The following LRP2 variants were observed in gnomAD, a reference collection of about 807,000 sequenced individuals.
LRP2 encodes the protein low-density lipoprotein receptor-related protein 2.
In LRP2, 172 loss-of-function variants were observed where a neutral mutation model predicts 531.0. The observed-to-expected ratio is 0.32, with a 90% CI of 0.29 to 0.37. The LOEUF (loss-of-function observed/expected upper bound fraction) is 0.37, where lower values mean the gene tolerates loss of function less well. LRP2 is among the 10% of genes least tolerant of loss of function. The pLI is 1.00. For synonymous variants in LRP2, 1,992 were observed against 2,027.6 expected (o/e 0.98, Z 0.47); for missense variants, 5,167 against 5,868.3 (o/e 0.88, Z 3.90).
chr2:169,302,437 T>A (rs540046629), intron 4 of LRP2, among the ~76,000 whole-genome samples: 1 of 152,106 alleles, frequency 6.6e-6, no homozygotes, highest in Admixed American at 6.6e-5. Context: ...AATCAGTGGT[T>A]CTCAACTGGA....
chr2:169,343,625 A>G (rs980475276), intron 1 of LRP2, among the ~76,000 whole-genome samples: 1 of 152,204 alleles, frequency 6.6e-6, no homozygotes, highest in Non-Finnish European at 1.5e-5. Flanking sequence ...ACTGAAGCTC[A>G]GAGAGCTTCA....
intron 43 of LRP2, 57 bp from the exon 44 acceptor site, chr2:169,201,927 T>C: frequency 6.2e-7 from 1 of 1,602,636 alleles, no homozygotes; most frequent in Non-Finnish European, 8.5e-7. Context: ...TATCCTAATT[T>C]TTAAAAAGAT....
chr2:169,198,723 T>C (rs954384712), intron 45 of LRP2, 63 bp downstream of exon 45: 1 of 1,591,298 alleles, frequency 6.3e-7, no homozygotes, highest in Non-Finnish European at 8.6e-7. Flanking sequence ...CTTCATATCT[T>C]TGTATTAGCT....
chr2:169,215,017 C>T (rs570642095), intron 35 of LRP2, among the ~76,000 whole-genome samples: 4 of 152,220 alleles, frequency 2.6e-5, no homozygotes, highest in African/African-American at 4.8e-5. Flanking sequence ...CTAACAAGCA[C>T]GTAGATTTAG....
chr2:169,139,506 G>A, intron 73 of LRP2, 37 bp downstream of exon 73: 1 of 1,611,360 alleles, frequency 6.2e-7, no homozygotes, highest in African/African-American at 1.3e-5. Context: ...TAGGGGCCAT[G>A]AGTAATTTCC....
chr2:169,191,075 A>AT (rs1002164359), intron 48 of LRP2, among the ~76,000 whole-genome samples: 4 of 152,202 alleles, frequency 2.6e-5, no homozygotes, highest in Non-Finnish European at 5.9e-5. Flanking sequence ...TGTTTTAAGA[A>AT]TTTTAAAATT....
intron 76 of LRP2, among the ~76,000 whole-genome samples, chr2:169,133,779 C>T (rs1487917873): frequency 2.0e-5 from 3 of 152,116 alleles, no homozygotes; most frequent in Admixed American, 6.6e-5. Flanking sequence ...TTAAAGATGA[C>T]GGACTGAATC....
chr2:169,146,661 T>C (rs1316662172), intron 69 of LRP2, 78 bp downstream of exon 69: 1 of 1,268,314 alleles, frequency 7.9e-7, no homozygotes, highest in East Asian at 2.5e-5. Context: ...GCAGGGCTCC[T>C]TCTTGAGAAA....
chr2:169,174,623 T>C (rs1687121276), intron 55 of LRP2, among the ~76,000 whole-genome samples: 1 of 152,110 alleles, frequency 6.6e-6, no homozygotes, highest in African/African-American at 2.4e-5. Flanking sequence ...ATTTTTCTAC[T>C]GCAGCCTCCC....
At chr2:169,233,612 A>C in intron 29 of LRP2, 24 bp from the exon 30 acceptor site, 1 of 1,612,076 alleles carries the variant, frequency 6.2e-7, no homozygotes, top group Non-Finnish European at 8.5e-7. Flanking sequence ...GAGAACAGTG[A>C]GACCTCATCC....
chr2:169,277,975 A>C, intron 12 of LRP2, 24 bp from the exon 13 acceptor site: 1 of 1,586,062 alleles, frequency 6.3e-7, no homozygotes, highest in Non-Finnish European at 8.7e-7. Flanking sequence ...ACAGAAGATG[A>C]AAGAATCTGG....
At chr2:169,151,122 G>A in intron 67 of LRP2, 96 bp from the exon 68 acceptor site, 2 of 1,276,514 alleles carry the variant, frequency 1.6e-6, no homozygotes, top group Non-Finnish European at 2.3e-6. Flanking sequence ...TTTGGCTGGT[G>A]AGACAGCTGC....
At chr2:169,350,817 C>A (rs963428477) in intron 1 of LRP2, among the ~76,000 whole-genome samples, 1 of 150,904 alleles carries the variant, frequency 6.6e-6, no homozygotes, top group African/African-American at 2.4e-5. Flanking sequence ...CAGCCTGGGG[C>A]CCTCTTTGGT....
chr2:169,240,667 G>A, intron 25 of LRP2: 1 of 514,434 alleles, frequency 1.9e-6, no homozygotes. Context: ...AAATATTAAA[G>A]TTAGAAAAAT....
intron 30 of LRP2, among the ~76,000 whole-genome samples, chr2:169,232,558 AGG>A (rs371965813): frequency 4.6e-5 from 7 of 151,806 alleles, no homozygotes; most frequent in Admixed American, 6.5e-5. Context: ...AGAGAGAGAG[AGG>A]TTTCAGAACA....
At position 169,203,987 on chromosome 2, in the gene LRP2, G is replaced by A. The variant is rs774660433; in HGVS notation, c.8000C>T (p.Ala2667Val). 1.7e-5 allele frequency: 27 copies of A among 1,613,902 alleles called. No homozygotes were observed. The Admixed American group carries it at 2.7e-4, about 16-fold the overall frequency. ...TTTCATGGTCAGTGCCTTACCTGGT[G>A]CACAGATATGGCTGCAGCCCCCATT... The part of the protein sequence containing the change: ...QFNGGCSHIC[A>V]PGPNGAECQC... The change falls in exon 42 of 79, where the codon GCA becomes GTA. Residue 2667 changes from alanine to valine, a missense_variant. Ala to Val is a moderately conservative substitution (Grantham distance 64). Transcript: ENST00000649046.
intron 4 of LRP2, among the ~76,000 whole-genome samples, chr2:169,304,590 A>G (rs1223779458): frequency 6.6e-6 from 1 of 152,180 alleles, no homozygotes; most frequent in East Asian, 1.9e-4. Flanking sequence ...TTTACAAAGC[A>G]CTGAAAGGAG....
Position 169,168,546 on chromosome 2 carries a change from G to T in LRP2, c.11628C>A (p.His3876Gln). Residue 3876 changes from histidine (H) to glutamine (Q), a missense_variant, in exon 61 of 79, where the codon CAC becomes CAA. Physicochemically the swap from His to Gln is conservative, Grantham distance 24. Coordinates refer to ENST00000649046, the MANE Select transcript of LRP2 (RefSeq NM_004525.3). The part of the protein sequence containing the change: ...DCGDGSDEEL[H>Q]LCLDVPCNSP... ...CGTTTCTCTCCCTCTTACAGCACAG[G>T]TGAAGTTCTTCATCTGAACCATCGC... The T allele has an allele frequency of 6.2e-7, 1 of 1,614,036 alleles. No homozygotes were observed. The highest frequency in any genetic ancestry group is 8.5e-7 in the Non-Finnish European group (1 of 1,179,950).
At position 169,139,298 on chromosome 2, in the gene LRP2, G is replaced by A. The variant is rs1244932710; in HGVS notation, c.13341C>T (p.His4447=). 2.5e-6 allele frequency: 4 copies of A among 1,614,076 alleles called. No individual in the cohort carries two copies. The highest frequency in any genetic ancestry group is 1.6e-4 in the Middle Eastern group (1 of 6,084). Residue 4447 remains histidine, a synonymous_variant, in exon 74 of 79, where the codon CAC becomes CAT. Transcript: ENST00000649046. The part of the protein sequence containing the change: ...IGALAIAGFF[H]YRRTGSLLPA... ...GCAAAAGGGAGCCGGTCCTTCTATAGTGGAAGAATCCTGCAATTGCCAGAG... is the reference window on the plus strand; with the variant it reads ...GCAAAAGGGAGCCGGTCCTTCTATAATGGAAGAATCCTGCAATTGCCAGAG...
Sources: gnomAD v4.1 joint callset for allele counts (sites outside exome capture counted in the v4.1 genomes callset) on GRCh38, gnomAD v4.1.1 for gene constraint, MANE v1.5 for transcripts, NCBI Gene and HGNC (gene_info 2026-07-23, HGNC 2026-07-21) for gene names.